SLC6A17: variants seen among roughly 807,000 people sequenced by gnomAD.
SLC6A17 encodes sodium-dependent neutral amino acid transporter SLC6A17.
SLC6A17 carries 21 observed loss-of-function variants against 64.5 expected under a neutral mutation model. That is an observed-to-expected ratio of 0.33 (90% CI 0.23 to 0.47). The LOEUF (loss-of-function observed/expected upper bound fraction) is 0.47. Among genes scored for constraint, SLC6A17 ranks in the 20% least tolerant of loss-of-function variants. SLC6A17 has a pLI of 1.00. For missense variants in SLC6A17, 682 were observed against 963.2 expected (o/e 0.71, Z 3.86); for synonymous variants, 372 against 399.5 (o/e 0.93, Z 0.82).
At chr1:110,171,739 G>A (rs1046097895) in intron 2 of SLC6A17, among the ~76,000 whole-genome samples, 1 of 152,134 alleles carries the variant, frequency 6.6e-6, no homozygotes, top group African/African-American at 2.4e-5. Flanking sequence ...TGTCTGCTGC[G>A]TGTGGCTTGA....
chr1:110,168,264 G>A (rs1411302437), intron 2 of SLC6A17: 1 of 152,250 alleles, frequency 6.6e-6, no homozygotes, highest in Non-Finnish European at 1.5e-5. Flanking sequence ...TTTTACCCCA[G>A]TCCTTCCTTC....
intron 6 of SLC6A17, among the ~76,000 whole-genome samples, chr1:110,189,175 C>G (rs1427046436): frequency 6.6e-6 from 1 of 152,254 alleles, no homozygotes; most frequent in African/African-American, 2.4e-5. Context: ...TTGTCTCTCT[C>G]TGGCTCCAGG....
At chr1:110,170,904 C>T (rs1009721106) in intron 2 of SLC6A17, among the ~76,000 whole-genome samples, 1 of 152,078 alleles carries the variant, frequency 6.6e-6, no homozygotes, top group African/African-American at 2.4e-5. Flanking sequence ...GTGACTCTGC[C>T]TGCCTCCCCG....
chr1:110,176,517 T>G, intron 5 of SLC6A17, 112 bp from the exon 6 acceptor site: 1 of 994,702 alleles, frequency 1.0e-6, no homozygotes, highest in Non-Finnish European at 1.6e-6. Context: ...TCCAGGGCTC[T>G]GTTTTCTGCT....
chr1:110,159,903 A>G lies in SLC6A17; in HGVS notation c.-87-6940A>G, dbSNP rs1157899901. ...TTCATTTATGCACTCATTCAATTCC[A>G]TCATATCATATTTATCATGCTCATA... On this transcript the variant is annotated intron_variant, in intron 1 of 11. Coordinates refer to ENST00000331565, the MANE Select transcript of SLC6A17 (RefSeq NM_001010898.4). Among the ~76,000 whole-genome samples the G allele has an allele frequency of 5.3e-5, 8 of 152,338 alleles. No individual in the cohort carries two copies. In the East Asian group the frequency reaches 1.3e-3, roughly 26 times the overall value.
chr1:110,158,027 A>G (rs985607614), intron 1 of SLC6A17, among the ~76,000 whole-genome samples: 1 of 152,138 alleles, frequency 6.6e-6, no homozygotes, highest in Non-Finnish European at 1.5e-5. Flanking sequence ...TATTTGATAT[A>G]TATACTATCA....
chr1:110,165,747 C>T (rs746160828), intron 1 of SLC6A17, among the ~76,000 whole-genome samples: 5 of 152,052 alleles, frequency 3.3e-5, no homozygotes, highest in Admixed American at 6.5e-5. Flanking sequence ...CACGTACCTA[C>T]GAGGAGAACA....
chr1:110,180,174 T>G (rs898077108), intron 6 of SLC6A17, among the ~76,000 whole-genome samples: 1 of 152,234 alleles, frequency 6.6e-6, no homozygotes, highest in Non-Finnish European at 1.5e-5. Context: ...CCTGAACTCA[T>G]GTCCACAGAC....
intron 10 of SLC6A17, 49 bp from the exon 11 acceptor site, chr1:110,197,388 G>C: frequency 6.4e-7 from 1 of 1,568,952 alleles, no homozygotes; most frequent in Middle Eastern, 1.7e-4. Flanking sequence ...GGAAGAGGGA[G>C]GTGTGACTGA....
intron 6 of SLC6A17, among the ~76,000 whole-genome samples, chr1:110,188,988 G>A (rs142237659): frequency 5.5e-4 from 83 of 152,256 alleles, no homozygotes; most frequent in African/African-American, 1.9e-3. Flanking sequence ...CAGGCTCTGG[G>A]TTTTCCTCTT....
chr1:110,160,486 G>A (rs1168721594), intron 1 of SLC6A17, among the ~76,000 whole-genome samples: 1 of 152,248 alleles, frequency 6.6e-6, no homozygotes, highest in East Asian at 1.9e-4. Context: ...AGCAGTGAAG[G>A]GTGGGCACAA....
Position 110,195,122 on chromosome 1 carries a change from C to T in SLC6A17, c.1492+351C>T, listed in dbSNP as rs367662599. Reference sequence around the variant, plus strand: ...GCCTTGCGCCCTGTTCCATCTTTGTCACTCCAGTCCCGGGCTGTGTCCACA... The same window carrying T: ...GCCTTGCGCCCTGTTCCATCTTTGTTACTCCAGTCCCGGGCTGTGTCCACA... On this transcript the variant is annotated intron_variant, in intron 9 of 11. Coordinates refer to ENST00000331565, the MANE Select transcript of SLC6A17 (RefSeq NM_001010898.4). The T allele has an allele frequency of 2.9e-4, 123 of 424,710 alleles. 1 individual carries two copies. Among genetic ancestry groups the T allele is most frequent in the South Asian group, 2.6e-3 (118 of 45,172 alleles). 26.3% of individuals were successfully genotyped at this position (424,710 alleles called of 1,614,324 possible).
At chr1:110,186,143 AT>A (rs938680708) in intron 6 of SLC6A17, among the ~76,000 whole-genome samples, 8 of 151,974 alleles carry the variant, frequency 5.3e-5, no homozygotes, top group East Asian at 1.9e-4. Flanking sequence ...TAACAAACAA[AT>A]TTTTTTTCTA....
intron 6 of SLC6A17, among the ~76,000 whole-genome samples, chr1:110,178,378 C>T (rs1656425986): frequency 6.6e-6 from 1 of 152,190 alleles, no homozygotes; most frequent in Admixed American, 6.5e-5. Flanking sequence ...TACTGCTCCC[C>T]ACTGGATTCA....
intron 1 of SLC6A17, among the ~76,000 whole-genome samples, chr1:110,158,773 G>C (rs1655825460): frequency 6.6e-6 from 1 of 152,226 alleles, no homozygotes. Context: ...CAGTCTGTCA[G>C]TGCAGATCCA....
At chr1:110,197,670 G>A in intron 11 of SLC6A17, 71 bp downstream of exon 11, 1 of 1,472,396 alleles carries the variant, frequency 6.8e-7, no homozygotes, top group Non-Finnish European at 9.0e-7. Context: ...CACTGATAGG[G>A]ATACACCTTT....
At position 110,167,074 on chromosome 1, in the gene SLC6A17, A is replaced by G. The variant is rs1292904621; in HGVS notation, c.145A>G (p.Lys49Glu). The change falls in exon 2 of 12, where the codon AAG (lysine) becomes GAG (glutamate). Residue 49 changes from lysine to glutamate, a missense_variant. Coordinates refer to ENST00000331565, the MANE Select transcript of SLC6A17 (RefSeq NM_001010898.4). ...GGCTGGTGAGGCAGGCGGCAAGCAG[A>G]AGGCGGTGGAGGAGGAGCTGGATGC... ...NVAGEAGGKQ[K>E]AVEEELDAED... The G allele has an allele frequency of 1.2e-6, 2 of 1,610,712 alleles. No individual in the cohort carries two copies. Among genetic ancestry groups the G allele is most frequent in the Non-Finnish European group, 1.7e-6 (2 of 1,178,802 alleles).
intron 6 of SLC6A17, among the ~76,000 whole-genome samples, chr1:110,189,218 T>C (rs958467044): frequency 6.6e-6 from 1 of 152,222 alleles, no homozygotes; most frequent in Non-Finnish European, 1.5e-5. Flanking sequence ...TGGCATTTCA[T>C]TTTAGATGTC....
At position 110,196,175 on chromosome 1, in the gene SLC6A17, G is replaced by A. The variant is rs114253028; in HGVS notation, c.1652+430G>A. On this transcript the variant is annotated intron_variant, in intron 10 of 11. Coordinates refer to ENST00000331565, the MANE Select transcript of SLC6A17 (RefSeq NM_001010898.4). ...GGCCCCAAGTTTGGGGTTGTGCAGGGTAAGAGGATTCAGCTCTAAGAAAGG... is the reference window on the plus strand; with the variant it reads ...GGCCCCAAGTTTGGGGTTGTGCAGGATAAGAGGATTCAGCTCTAAGAAAGG... Among the ~76,000 whole-genome samples, 805 of 152,310 alleles carry A rather than the reference G, an allele frequency of 5.3e-3. 5 individuals are homozygous for A. The highest frequency in any genetic ancestry group is 9.1e-3 in the Non-Finnish European group (617 of 68,030).
Sources: gnomAD v4.1 joint callset for allele counts (sites outside exome capture counted in the v4.1 genomes callset) on GRCh38, gnomAD v4.1.1 for gene constraint, MANE v1.5 for transcripts, NCBI Gene and HGNC (gene_info 2026-07-23, HGNC 2026-07-21) for gene names.